Variants in HEMK2 observed in about 807,000 individuals in gnomAD.
The protein encoded by HEMK2 is HemK methyltransferase 2, ETF1 glutamine and histone H4 lysine.
At chr21:28,720,246 A>G in the HEMK2 span, among the ~76,000 whole-genome samples, 3 of 152,246 alleles carry the variant, frequency 2.0e-5, no homozygotes, top group African/African-American at 7.2e-5. Context: ...GATAGTGAAC[A>G]TACTGTGACC....
the HEMK2 span, among the ~76,000 whole-genome samples, chr21:28,786,705 CAG>C: frequency 6.7e-6 from 1 of 149,338 alleles, no homozygotes; most frequent in Non-Finnish European, 1.5e-5. Context: ...TCTCTAGAAA[CAG>C]AGATGTTCTC....
the HEMK2 span, among the ~76,000 whole-genome samples, chr21:28,705,477 TA>T: frequency 0.56 from 84,509 of 151,944 alleles, 26,160 homozygotes; most frequent in East Asian, 0.84. Flanking sequence ...AAAACCAACA[TA>T]ATATCTCTTG....
chr21:28,695,420 T>G, the HEMK2 span, among the ~76,000 whole-genome samples: 2 of 152,106 alleles, frequency 1.3e-5, no homozygotes, highest in East Asian at 3.9e-4. Flanking sequence ...GGGTAATTTA[T>G]AAAGAGGAAA....
At chr21:28,655,370 T>C in the HEMK2 span, among the ~76,000 whole-genome samples, 9 of 152,086 alleles carry the variant, frequency 5.9e-5, no homozygotes, top group Admixed American at 5.9e-4. Flanking sequence ...AGTGTCTAAC[T>C]GCATAAAAAT....
the HEMK2 span, among the ~76,000 whole-genome samples, chr21:28,688,156 G>T: frequency 6.6e-6 from 1 of 152,130 alleles, no homozygotes; most frequent in Non-Finnish European, 1.5e-5. Flanking sequence ...GTCAAATGAA[G>T]GAAACCTCTC....
the HEMK2 span, among the ~76,000 whole-genome samples, chr21:28,788,365 A>C: frequency 6.6e-6 from 1 of 151,950 alleles, no homozygotes; most frequent in Non-Finnish European, 1.5e-5. Flanking sequence ...ATGAATTAAC[A>C]GCATTGCAGT....
chr21:28,592,956 C>T, the HEMK2 span, among the ~76,000 whole-genome samples: 1 of 152,104 alleles, frequency 6.6e-6, no homozygotes, highest in South Asian at 2.1e-4. Flanking sequence ...ACAGATTATC[C>T]ACAAAGGTGG....
the HEMK2 span, among the ~76,000 whole-genome samples, chr21:28,862,886 G>A: frequency 6.6e-6 from 1 of 152,200 alleles, no homozygotes; most frequent in Non-Finnish European, 1.5e-5. Context: ...TTGGGTCGGG[G>A]ATTGGTGCGT....
the HEMK2 span, among the ~76,000 whole-genome samples, chr21:28,584,110 A>G: frequency 1.4e-4 from 22 of 152,326 alleles, no homozygotes; most frequent in African/African-American, 5.3e-4. Flanking sequence ...TAGACTCCAC[A>G]GTCTCAAAAA....
chr21:28,673,236 A>G, the HEMK2 span, among the ~76,000 whole-genome samples: 4 of 152,256 alleles, frequency 2.6e-5, no homozygotes, highest in East Asian at 7.7e-4. Context: ...GAAGAAAGAA[A>G]GATTGTCTAG....
At chr21:28,815,616 C>G in the HEMK2 span, among the ~76,000 whole-genome samples, 5 of 152,134 alleles carry the variant, frequency 3.3e-5, no homozygotes, top group Non-Finnish European at 7.4e-5. Context: ...ACATTCCATG[C>G]CTCCAACACA....
the HEMK2 span, among the ~76,000 whole-genome samples, chr21:28,877,280 G>GA: frequency 1.4e-4 from 15 of 109,074 alleles, no homozygotes; most frequent in African/African-American, 2.0e-4. Context: ...AAGGAAGGAA[G>GA]GAAGGAAGGA....
the HEMK2 span, among the ~76,000 whole-genome samples, chr21:28,827,300 A>T: frequency 6.6e-6 from 1 of 152,190 alleles, no homozygotes; most frequent in Non-Finnish European, 1.5e-5. Flanking sequence ...CCAGCCTTGT[A>T]TTATTCTCAG....
the HEMK2 span, among the ~76,000 whole-genome samples, chr21:28,868,886 G>A: frequency 6.6e-6 from 1 of 152,050 alleles, no homozygotes; most frequent in Non-Finnish European, 1.5e-5. Flanking sequence ...ATTATAATAA[G>A]TCAGTGGTTT....
At chr21:28,667,670 T>G in the HEMK2 span, among the ~76,000 whole-genome samples, 4 of 152,042 alleles carry the variant, frequency 2.6e-5, no homozygotes, top group Admixed American at 1.3e-4. Context: ...AAATAAAAAG[T>G]TACAAAAGTA....
At chr21:28,615,967 GA>G in the HEMK2 span, among the ~76,000 whole-genome samples, 5 of 151,098 alleles carry the variant, frequency 3.3e-5, no homozygotes, top group Non-Finnish European at 4.4e-5. Flanking sequence ...ATAACAAGAA[GA>G]AAAAAATAAT....
the HEMK2 span, among the ~76,000 whole-genome samples, chr21:28,642,505 C>T: frequency 1.2e-4 from 19 of 152,168 alleles, no homozygotes; most frequent in Admixed American, 1.2e-3. Context: ...TTCAGCTCTG[C>T]TCTCTGGGGA....
At chr21:28,781,131 G>A in the HEMK2 span, among the ~76,000 whole-genome samples, 4 of 151,966 alleles carry the variant, frequency 2.6e-5, no homozygotes, top group Non-Finnish European at 4.4e-5. Flanking sequence ...AAGTTGCTTA[G>A]AGTACATGCA....
At chr21:28,717,529 G>GCTCTC in the HEMK2 span, among the ~76,000 whole-genome samples, 950 of 147,034 alleles carry the variant, frequency 6.5e-3, 28 homozygotes, top group Admixed American at 0.05. Context: ...ACCCAGGCTG[G>GCTCTC]AGTACAGTGG....
Sources: allele counts gnomAD v4.1 joint callset (sites outside exome capture counted in the v4.1 genomes callset), GRCh38; gene constraint gnomAD v4.1.1; transcripts MANE v1.5; gene names NCBI Gene and HGNC (gene_info 2026-07-23, HGNC 2026-07-21).